DACH1: variants seen among roughly 807,000 people sequenced by gnomAD.
DACH1 encodes dachshund family transcription factor 1, also known as dachshund homolog 1.
A neutral mutation model predicts 54.2 loss-of-function variants in DACH1; 12 were observed. The observed-to-expected ratio is 0.22, with a 90% CI of 0.14 to 0.36. The LOEUF is 0.36. DACH1 is among the 10% of genes least tolerant of loss of function. DACH1 has a pLI of 1.00. For missense variants in DACH1, 805 were observed against 929.8 expected (o/e 0.87, Z 1.75); for synonymous variants, 386 against 366.2 (o/e 1.05, Z -0.62).
chr13:71,755,637 A>G (rs1885112177), intron 1 of DACH1, among the ~76,000 whole-genome samples: 1 of 152,216 alleles, frequency 6.6e-6, no homozygotes, highest in Admixed American at 6.5e-5. Flanking sequence ...TTAATTCAGT[A>G]CATTAAGAGG....
At chr13:71,704,602 C>A in intron 1 of DACH1, 1 of 453,110 alleles carries the variant, frequency 2.2e-6, no homozygotes, top group South Asian at 1.9e-5. Flanking sequence ...TATGAGAACC[C>A]ATGGCAGGGA....
intron 10 of DACH1, among the ~76,000 whole-genome samples, chr13:71,467,689 T>G (rs1196954369): frequency 6.6e-6 from 1 of 152,134 alleles, no homozygotes; most frequent in African/African-American, 2.4e-5. Context: ...GTCCGTTTAT[T>G]GCTTACTGCC....
At chr13:71,654,078 T>C (rs1878874658) in intron 2 of DACH1, among the ~76,000 whole-genome samples, 3 of 152,216 alleles carry the variant, frequency 2.0e-5, no homozygotes, top group African/African-American at 7.2e-5. Context: ...TGCAAAGGGA[T>C]AGGTAACCAT....
intron 3 of DACH1, among the ~76,000 whole-genome samples, chr13:71,589,419 G>A (rs1873528633): frequency 6.6e-6 from 1 of 151,946 alleles, no homozygotes; most frequent in East Asian, 1.9e-4. Context: ...AAATACCACA[G>A]AGATTATTTC....
intron 1 of DACH1, among the ~76,000 whole-genome samples, chr13:71,764,175 AGCTCTAACTTAT>A (rs1885521680): frequency 6.6e-6 from 1 of 152,134 alleles, no homozygotes; most frequent in African/African-American, 2.4e-5. Flanking sequence ...TAAGGTCTCT[AGCTCTAACTTAT>A]GCTATATTAA....
At chr13:71,449,710 A>G (rs760779666) in intron 10 of DACH1, among the ~76,000 whole-genome samples, 5 of 152,124 alleles carry the variant, frequency 3.3e-5, no homozygotes, top group Admixed American at 3.3e-4. Flanking sequence ...GCATCATTAA[A>G]AATTTTTTTA....
intron 3 of DACH1, 21 bp downstream of exon 3, chr13:71,630,535 T>A: frequency 6.4e-7 from 1 of 1,564,924 alleles, no homozygotes; most frequent in Non-Finnish European, 8.6e-7. Flanking sequence ...CACAATAAGT[T>A]TCAGCGAACA....
intron 2 of DACH1, among the ~76,000 whole-genome samples, chr13:71,677,930 G>T (rs370150193): frequency 1.3e-5 from 2 of 152,068 alleles, no homozygotes; most frequent in South Asian, 2.1e-4. Flanking sequence ...ATGTTGGCCA[G>T]GATGGTCTAG....
At chr13:71,487,318 G>A (rs1260000037) in intron 7 of DACH1, among the ~76,000 whole-genome samples, 1 of 152,084 alleles carries the variant, frequency 6.6e-6, no homozygotes, top group Non-Finnish European at 1.5e-5. Context: ...GGAAAGGAGA[G>A]TATATTAAAT....
intron 6 of DACH1, among the ~76,000 whole-genome samples, chr13:71,495,612 A>C (rs1231904379): frequency 6.6e-6 from 1 of 152,124 alleles, no homozygotes; most frequent in Non-Finnish European, 1.5e-5. Flanking sequence ...CTCTCGGCTT[A>C]ATTTAGCAGT....
intron 1 of DACH1, among the ~76,000 whole-genome samples, chr13:71,787,867 A>T (rs760146727): frequency 1.3e-5 from 2 of 152,200 alleles, no homozygotes; most frequent in Non-Finnish European, 2.9e-5. Flanking sequence ...GCTGAACAAA[A>T]TGAGCGGAAA....
intron 10 of DACH1, among the ~76,000 whole-genome samples, chr13:71,458,465 A>C (rs1219393702): frequency 6.6e-6 from 1 of 151,932 alleles, no homozygotes; most frequent in Non-Finnish European, 1.5e-5. Context: ...GTTAAAGTGG[A>C]TACTTTATTA....
chr13:71,717,283 C>T (rs1057475806), intron 1 of DACH1, among the ~76,000 whole-genome samples: 3 of 152,046 alleles, frequency 2.0e-5, no homozygotes, highest in Non-Finnish European at 4.4e-5. Flanking sequence ...AAAATTCTTT[C>T]AACAAGAAAT....
At chr13:71,779,259 ATATGTGTATATATACGTAT>A (rs1886256468) in intron 1 of DACH1, among the ~76,000 whole-genome samples, 1 of 68,208 alleles carries the variant, frequency 1.5e-5, no homozygotes, top group Non-Finnish European at 3.0e-5. Context: ...ATATACGTAT[ATATGTGTATATATACGTAT>A]ATACGTATAT....
At chr13:71,774,392 T>A (rs1160689498) in intron 1 of DACH1, among the ~76,000 whole-genome samples, 3 of 152,130 alleles carry the variant, frequency 2.0e-5, no homozygotes, top group Non-Finnish European at 4.4e-5. Flanking sequence ...CATAACATAG[T>A]GTTCTTTAAA....
At chr13:71,540,499 A>G (rs1883062426) in intron 6 of DACH1, among the ~76,000 whole-genome samples, 1 of 152,134 alleles carries the variant, frequency 6.6e-6, no homozygotes, top group Admixed American at 6.6e-5. Context: ...AGAAGTAAAT[A>G]TAATTACAAA....
intron 7 of DACH1, among the ~76,000 whole-genome samples, chr13:71,486,687 T>C (rs1012597071): frequency 1.3e-5 from 2 of 152,170 alleles, no homozygotes; most frequent in African/African-American, 2.4e-5. Context: ...TGTACATGCA[T>C]GTATAAATAT....
At chr13:71,487,196 TTTATCAGTCCCAGATCCCTATA>T (rs1239952903) in intron 7 of DACH1, among the ~76,000 whole-genome samples, 9 of 152,166 alleles carry the variant, frequency 5.9e-5, no homozygotes, top group Admixed American at 2.6e-4. Context: ...GTGTTCTAAC[TTTATCAGTCCCAGATCCCTATA>T]ATTTGGGAAT....
intron 1 of DACH1, among the ~76,000 whole-genome samples, chr13:71,751,696 C>T (rs1022739346): frequency 2.0e-5 from 3 of 151,980 alleles, no homozygotes; most frequent in Non-Finnish European, 4.4e-5. Context: ...AAGTAAAAAA[C>T]TAACAATTTT....
Sources: allele counts gnomAD v4.1 joint callset (sites outside exome capture counted in the v4.1 genomes callset), GRCh38; gene constraint gnomAD v4.1.1; transcripts MANE v1.5; gene names NCBI Gene and HGNC (gene_info 2026-07-23, HGNC 2026-07-21).